Variants in CSMD1 observed in about 807,000 individuals in gnomAD.
The protein encoded by CSMD1 is CUB and Sushi multiple domains 1.
In CSMD1, 213 loss-of-function variants were observed where a neutral mutation model predicts 417.5. The observed-to-expected ratio is 0.51, with a 90% confidence interval of 0.46 to 0.57. The LOEUF is 0.57. Among genes scored for constraint, CSMD1 ranks in the 20% least tolerant of loss-of-function variants. The pLI is 0.00. For synonymous variants in CSMD1, 2,862 were observed against 1,736.8 expected (o/e 1.65, Z -16.11); for missense variants, 6,923 against 4,529.7 (o/e 1.53, Z -15.17).
intron 1 of CSMD1, among the ~76,000 whole-genome samples, chr8:4,748,634 C>G (rs1039535238): frequency 6.6e-6 from 1 of 152,172 alleles, no homozygotes; most frequent in Admixed American, 6.5e-5. Context: ...TATTTATTGA[C>G]TGGAATGTCT....
chr8:3,819,560 A>T (rs28494684), intron 5 of CSMD1, among the ~76,000 whole-genome samples: 1,689 of 23,184 alleles, frequency 0.073, 40 homozygotes, highest in African/African-American at 0.23. Flanking sequence ...ACACACACAC[A>T]CGTATGTATA....
At position 4,248,404 on chromosome 8, in the gene CSMD1, G is replaced by A. The variant is rs141577892; in HGVS notation, c.415+171549C>T. On this transcript the variant is annotated intron_variant, in intron 3 of 69. Transcript: ENST00000635120. Reference sequence around the variant, plus strand: ...GGTTTGCTGGTGAAACTATCATGGCGCTTATAAAAGAAGAGAGCCCGTCCA... The same window carrying A: ...GGTTTGCTGGTGAAACTATCATGGCACTTATAAAAGAAGAGAGCCCGTCCA... Among the ~76,000 whole-genome samples, 496 of 152,196 alleles carry A rather than the reference G, an allele frequency of 3.3e-3. 1 individual carries two copies. Among genetic ancestry groups the A allele is most frequent in the African/African-American group, 0.011 (466 of 41,526 alleles).
chr8:4,913,578 C>A (rs1186706341), intron 1 of CSMD1, among the ~76,000 whole-genome samples: 1 of 152,180 alleles, frequency 6.6e-6, no homozygotes, highest in Non-Finnish European at 1.5e-5. Context: ...GCGTCCACAG[C>A]TCATTTAATA....
intron 3 of CSMD1, among the ~76,000 whole-genome samples, chr8:4,117,038 TGGAAACTGTCAGTAGTTAA>T (rs1802195038): frequency 6.6e-6 from 1 of 152,008 alleles, no homozygotes; most frequent in Non-Finnish European, 1.5e-5. Flanking sequence ...TTTCGCAGTT[TGGAAACTGTCAGTAGTTAA>T]CCAGAATGAA....
chr8:4,855,147 G>A (rs541465440), intron 1 of CSMD1, among the ~76,000 whole-genome samples: 5 of 151,324 alleles, frequency 3.3e-5, no homozygotes, highest in East Asian at 2.1e-4. Context: ...CCCCCCAGCA[G>A]GGGCACACTG....
intron 5 of CSMD1, among the ~76,000 whole-genome samples, chr8:3,853,591 A>G: frequency 6.6e-6 from 1 of 152,058 alleles, no homozygotes; most frequent in East Asian, 1.9e-4. Context: ...TTAAATAAAA[A>G]AGAAGGCACT....
At chr8:4,420,300 C>G (rs1215002103) in intron 2 of CSMD1, among the ~76,000 whole-genome samples, 1 of 151,946 alleles carries the variant, frequency 6.6e-6, no homozygotes, top group Non-Finnish European at 1.5e-5. Flanking sequence ...CTTGAAAATA[C>G]TTACTTATAT....
At chr8:4,025,717 A>G (rs572037823) in intron 4 of CSMD1, among the ~76,000 whole-genome samples, 22 of 152,302 alleles carry the variant, frequency 1.4e-4, no homozygotes, top group Admixed American at 7.2e-4. Flanking sequence ...CCTCTCAAGA[A>G]AAATGAATTT....
intron 3 of CSMD1, among the ~76,000 whole-genome samples, chr8:4,239,659 G>C (rs909435961): frequency 1.3e-5 from 2 of 152,198 alleles, no homozygotes; most frequent in African/African-American, 4.8e-5. Flanking sequence ...CGGGGTCACA[G>C]AGCATTGCAT....
chr8:4,607,773 G>A (rs779699336), intron 2 of CSMD1, among the ~76,000 whole-genome samples: 2 of 152,124 alleles, frequency 1.3e-5, no homozygotes, highest in African/African-American at 2.4e-5. Flanking sequence ...ACTCTCTCTT[G>A]AGTAAATCCT....
At chr8:3,283,950 T>C (rs550411309) in intron 26 of CSMD1, among the ~76,000 whole-genome samples, 194 bp downstream of exon 26, 39 of 152,386 alleles carry the variant, frequency 2.6e-4, no homozygotes, top group African/African-American at 8.4e-4. Flanking sequence ...GCTTCTGTTA[T>C]CGTGGCCTCA....
chr8:4,294,010 G>C (rs1032902699), intron 3 of CSMD1, among the ~76,000 whole-genome samples: 1 of 152,178 alleles, frequency 6.6e-6, no homozygotes, highest in Non-Finnish European at 1.5e-5. Flanking sequence ...AAAAGTTTTA[G>C]GATAAGAATC....
chr8:3,841,322 T>C (rs1259788483), intron 5 of CSMD1, among the ~76,000 whole-genome samples: 1 of 152,190 alleles, frequency 6.6e-6, no homozygotes, highest in East Asian at 1.9e-4. Context: ...GCAAAATAAA[T>C]TGGCATCAAG....
chr8:4,423,316 G>C (rs951783107), intron 2 of CSMD1, among the ~76,000 whole-genome samples: 8 of 152,104 alleles, frequency 5.3e-5, no homozygotes, highest in South Asian at 2.1e-4. Context: ...AAATGCCAAG[G>C]AATCTACAAG....
chr8:3,580,812 T>C (rs1327775287), intron 9 of CSMD1, among the ~76,000 whole-genome samples: 1 of 152,188 alleles, frequency 6.6e-6, no homozygotes, highest in Admixed American at 6.5e-5. Flanking sequence ...TCTTTCGGGG[T>C]AAATGATCTT....
intron 1 of CSMD1, among the ~76,000 whole-genome samples, chr8:4,646,732 A>C (rs1353623324): frequency 1.3e-5 from 2 of 152,222 alleles, no homozygotes; most frequent in Non-Finnish European, 2.9e-5. Context: ...GAGAAATTGA[A>C]ATGTTAAAAA....
At chr8:3,493,931 G>T (rs140026419) in intron 10 of CSMD1, among the ~76,000 whole-genome samples, 1 of 152,078 alleles carries the variant, frequency 6.6e-6, no homozygotes, top group Non-Finnish European at 1.5e-5. Context: ...ATTCAGAATT[G>T]CTATTACTCC....
rs928078585 is a variant in CSMD1 at position 3,455,266 on chromosome 8, T to G, written c.1561+13446A>C. Among the ~76,000 whole-genome samples the G allele has an allele frequency of 9.2e-5, 14 of 152,294 alleles. No individual in the cohort carries two copies. In the East Asian group the frequency reaches 2.3e-3, roughly 25 times the overall value. On this transcript the variant is annotated intron_variant, in intron 12 of 69. Transcript: ENST00000635120. ...TTTGCCATGGGTTCAAACTTCCTCC[T>G]TTAGCTCGGAGTAGTGTGATCATCT...
intron 12 of CSMD1, among the ~76,000 whole-genome samples, chr8:3,452,359 T>C (rs541827535): frequency 1.3e-5 from 2 of 152,310 alleles, no homozygotes; most frequent in African/African-American, 2.4e-5. Context: ...CTATGTTGAA[T>C]AGCAGTGGTG....
Sources: allele counts gnomAD v4.1 joint callset (sites outside exome capture counted in the v4.1 genomes callset), GRCh38; gene constraint gnomAD v4.1.1; transcripts MANE v1.5; gene names NCBI Gene and HGNC (gene_info 2026-07-23, HGNC 2026-07-21).